The following THAP3 variants were observed in gnomAD, a reference collection of about 807,000 sequenced individuals.
THAP3 encodes the protein THAP domain-containing protein 3.
A neutral mutation model predicts 17.7 loss-of-function variants in THAP3; 12 were observed. The ratio of observed to expected loss-of-function variants is 0.68; its 90% CI spans 0.43 to 1.10. THAP3 has a LOEUF of 1.10. Among genes scored for constraint, THAP3 ranks in the 50% least tolerant of loss-of-function variants. THAP3 has a pLI of 0.00. For synonymous variants in THAP3, 133 were observed against 126.9 expected, an observed-to-expected ratio of 1.05 and a Z score of -0.32; for missense variants, 289 against 318.0, an observed-to-expected ratio of 0.91 and a Z score of 0.69.
In THAP3 at chr1:6,633,217, T is replaced by C. The variant is rs1470340595; in HGVS notation, c.*140T>C. Reference sequence around the variant, plus strand: ...CCTGCTTGGCCGGGGATCGAGACAGTAGCCAAGCTCCCCGGCGAGAGCCCC... The same window carrying C: ...CCTGCTTGGCCGGGGATCGAGACAGCAGCCAAGCTCCCCGGCGAGAGCCCC... On this transcript the variant is annotated 3_prime_UTR_variant, in exon 6 of 6. Transcript: ENST00000054650. 82 of 1,449,706 alleles carry C rather than the reference T, an allele frequency of 5.7e-5. 1 individual carries two copies. In the East Asian group the frequency reaches 2.0e-3, roughly 36 times the overall value. 89.8% of individuals were successfully genotyped at this position (1,449,706 alleles called of 1,614,324 possible).
At chr1:6,625,631 G>A (rs1201175527) in intron 2 of THAP3, among the ~76,000 whole-genome samples, 1 of 152,128 alleles carries the variant, frequency 6.6e-6, no homozygotes, top group Non-Finnish European at 1.5e-5. Flanking sequence ...AAGGGAGCCC[G>A]GCACCTGGGC....
At chr1:6,628,276 C>G (rs901375204) in intron 2 of THAP3, 41 of 508,406 alleles carry the variant, frequency 8.1e-5, no homozygotes, top group African/African-American at 7.8e-4. Flanking sequence ...AAGCAGCTCA[C>G]TTGGGCTCTC....
chr1:6,632,719 G>C (rs139773694), intron 5 of THAP3, 77 bp from the exon 6 acceptor site: 1 of 1,565,878 alleles, frequency 6.4e-7, no homozygotes, highest in African/African-American at 1.4e-5. Flanking sequence ...TGCTGTGTGC[G>C]TGTCTGGTGG....
rs879835432 is a variant in THAP3, at chr1:6,625,594, C to T, written c.74+302C>T. ...CCGGGGTTTGCTGTGTCCCTGGTCGCTGCAGCCCCCGCCGCGCGCGGTCCT... is the reference window on the plus strand; with the variant it reads ...CCGGGGTTTGCTGTGTCCCTGGTCGTTGCAGCCCCCGCCGCGCGCGGTCCT... On this transcript the variant is annotated intron_variant, in intron 2 of 5. Transcript: ENST00000054650. Among the ~76,000 whole-genome samples the T allele has an allele frequency of 4.9e-4, 67 of 136,968 alleles. 1 individual carries two copies. The highest frequency in any genetic ancestry group is 1.6e-3 in the South Asian group (7 of 4,378). The allele number at this position is 136,968 out of a possible 152,430, so 89.9% of individuals were successfully genotyped here. A position where few individuals can be genotyped will look rare whatever the true frequency, so the allele number is the denominator to read the frequency against.
At chr1:6,634,215 G>A (rs545120514), downstream of THAP3, 4 of 958,536 alleles carry the variant, frequency 4.2e-6, no homozygotes, top group Admixed American at 2.7e-5. Context: ...CTGTACAGTC[G>A]ACTGCAAATG....
At chr1:6,626,931 G>T (rs557018700) in intron 2 of THAP3, among the ~76,000 whole-genome samples, 1 of 152,346 alleles carries the variant, frequency 6.6e-6, no homozygotes, top group Admixed American at 6.5e-5. Flanking sequence ...CCTCTGTCAG[G>T]TATGTACTTG....
At chr1:6,633,981 T>C, downstream of THAP3, 1 of 1,585,942 alleles carries the variant, frequency 6.3e-7, no homozygotes, top group African/African-American at 1.3e-5. Flanking sequence ...AAAAAAGTTC[T>C]AGCCTGATTT....
At position 6,633,354 on chromosome 1, in the gene THAP3, G is replaced by T; in HGVS notation, c.*277G>T. ...GTCCAGGCTGAGGCTGATTCTGGAC[G>T]CTGTCCTTTCAGCACACGCAGAGCA... On this transcript the variant is annotated 3_prime_UTR_variant, in exon 6 of 6. Coordinates refer to ENST00000054650, the MANE Select transcript of THAP3 (RefSeq NM_001195753.2). 7.5e-7 allele frequency: 1 copy of T among 1,330,710 alleles called. No homozygotes were observed. Among genetic ancestry groups the T allele is most frequent in the Non-Finnish European group, 9.7e-7 (1 of 1,035,966 alleles). 82.4% of individuals were successfully genotyped at this position (1,330,710 alleles called of 1,614,324 possible).
chr1:6,626,804 C>G (rs1641480357), intron 2 of THAP3, among the ~76,000 whole-genome samples: 1 of 152,248 alleles, frequency 6.6e-6, no homozygotes, highest in African/African-American at 2.4e-5. Flanking sequence ...CGAGATCGCA[C>G]CACTACACTC....
At position 6,628,651 on chromosome 1, in the gene THAP3, A is replaced by G. The variant is rs1641526724; in HGVS notation, c.227A>G (p.Asn76Ser). The G allele has an allele frequency of 6.2e-7, 1 of 1,613,578 alleles. No individual in the cohort carries two copies. Among genetic ancestry groups the G allele is most frequent in the Admixed American group, 1.7e-5 (1 of 60,000 alleles). ...GGAAACCGCAAGAACCTAAAGCACA[A>G]TGCCGTGCCCACGGTGTTCGCCTTT... The part of the protein sequence containing the change: ...AFGNRKNLKH[N>S]AVPTVFAFQD... Residue 76 changes from asparagine to serine, a missense_variant, in exon 3 of 6, where the codon AAT becomes AGT. Physicochemically the swap from Asn to Ser is conservative, Grantham distance 46. Coordinates refer to ENST00000054650, the MANE Select transcript of THAP3 (RefSeq NM_001195753.2).
In THAP3 at chr1:6,625,244, A is replaced by G. The variant is rs1641430883; in HGVS notation, c.26A>G (p.Gln9Arg). 1.9e-6 allele frequency: 3 copies of G among 1,545,464 alleles called. No individual in the cohort carries two copies. The highest frequency in any genetic ancestry group is 2.5e-5 in the East Asian group (1 of 40,284). The change falls in exon 2 of 6, where the codon CAG becomes CGG. Residue 9 changes from glutamine (Q) to arginine (R), a missense_variant. Transcript: ENST00000054650. MPKSCAAR[Q>R]CCNRYSSRRK... Reference sequence around the variant, plus strand: ...ATGCCGAAGTCGTGCGCGGCCCGGCAGTGCTGCAACCGCTACAGCAGCCGC... The same window carrying G: ...ATGCCGAAGTCGTGCGCGGCCCGGCGGTGCTGCAACCGCTACAGCAGCCGC...
downstream of THAP3, chr1:6,634,296 G>A (rs1267538059): frequency 1.1e-5 from 10 of 906,528 alleles, no homozygotes; most frequent in Non-Finnish European, 1.6e-5. Context: ...CCAGGCTCAT[G>A]CAACACGACG....
downstream of THAP3, chr1:6,634,719 G>A (rs761040980): frequency 2.6e-5 from 36 of 1,362,216 alleles, no homozygotes; most frequent in Admixed American, 1.9e-5. Context: ...GGAAGGCTCC[G>A]GAGCACAGGC....
downstream of THAP3, chr1:6,634,322 G>T: frequency 9.8e-7 from 1 of 1,016,238 alleles, no homozygotes; most frequent in East Asian, 2.8e-5. Flanking sequence ...CGCGGCTCGG[G>T]CCGTGGGGCC....
intron 2 of THAP3, among the ~76,000 whole-genome samples, chr1:6,626,785 G>T (rs758567089): frequency 1.3e-5 from 2 of 152,254 alleles, no homozygotes; most frequent in Admixed American, 1.3e-4. Context: ...GGCAGAGCTT[G>T]CAGTGAACCG....
downstream of THAP3, among the ~76,000 whole-genome samples, chr1:6,633,816 A>G (rs11583890): frequency 0.33 from 50,335 of 151,890 alleles, 8,538 homozygotes; most frequent in Middle Eastern, 0.39. Context: ...AGGCTGAGAC[A>G]GGAGGATCAG....
At chr1:6,635,494 C>T (rs1641745018), downstream of THAP3, 2 of 665,408 alleles carry the variant, frequency 3.0e-6, no homozygotes, top group African/African-American at 3.7e-5. Flanking sequence ...TCAGTCCTAC[C>T]CCCAGCACCC....
chr1:6,632,227 A>AAT, intron 4 of THAP3, 164 bp from the exon 5 acceptor site: 1 of 839,214 alleles, frequency 1.2e-6, no homozygotes, highest in Non-Finnish European at 1.8e-6. Flanking sequence ...AAAAAAAAAA[A>AAT]GTTCAGTTCC....
At chr1:6,634,983 G>A, downstream of THAP3, 1 of 747,490 alleles carries the variant, frequency 1.3e-6, no homozygotes, top group Non-Finnish European at 1.8e-6. Context: ...CGGGATACGG[G>A]AAGCCACCTG....
Sources: gnomAD v4.1 joint callset for allele counts (sites outside exome capture counted in the v4.1 genomes callset) on GRCh38, gnomAD v4.1.1 for gene constraint, MANE v1.5 for transcripts, NCBI Gene and HGNC (gene_info 2026-07-23, HGNC 2026-07-21) for gene names.